The following CFAP20DC variants were observed in gnomAD, a reference collection of about 807,000 sequenced individuals.
CFAP20DC encodes CFAP20 domain containing.
CFAP20DC carries 84 observed loss-of-function variants against 101.7 expected under a neutral mutation model. The observed-to-expected ratio is 0.83, with a 90% CI of 0.69 to 0.99. CFAP20DC has a LOEUF of 0.99. Ranked by LOEUF, CFAP20DC falls within the 50% of genes least tolerant of loss-of-function variation. The pLI, the probability that CFAP20DC is intolerant of heterozygous loss-of-function variation, is 0.00. For missense variants in CFAP20DC, 1,007 were observed against 970.3 expected (o/e 1.04, Z -0.50); for synonymous variants, 359 against 351.2 (o/e 1.02, Z -0.25).
intron 15 of CFAP20DC, among the ~76,000 whole-genome samples, chr3:58,759,392 T>C (rs999717096): frequency 2.0e-5 from 3 of 152,228 alleles, no homozygotes; most frequent in African/African-American, 4.8e-5. Context: ...GTTGTTTTTT[T>C]CTTGTAAATT....
intron 13 of CFAP20DC, among the ~76,000 whole-genome samples, chr3:58,835,084 A>G (rs2076647862): frequency 6.6e-6 from 1 of 152,028 alleles, no homozygotes; most frequent in South Asian, 2.1e-4. Context: ...TTTTCCTCTC[A>G]TCTTCTCTGT....
intron 14 of CFAP20DC, chr3:58,824,512 T>C (rs976374144): frequency 6.6e-6 from 1 of 151,996 alleles, no homozygotes; most frequent in Admixed American, 6.6e-5. Context: ...GATTTTGGGG[T>C]GAGGGAGCGA....
chr3:58,775,508 T>C (rs1032975051), intron 15 of CFAP20DC, among the ~76,000 whole-genome samples: 1 of 152,180 alleles, frequency 6.6e-6, no homozygotes, highest in African/African-American at 2.4e-5. Context: ...TATGAAAATA[T>C]GTAAATAATT....
chr3:58,890,305 G>T (rs1047172952), intron 6 of CFAP20DC, among the ~76,000 whole-genome samples: 1 of 146,012 alleles, frequency 6.8e-6, no homozygotes, highest in African/African-American at 2.5e-5. Flanking sequence ...GTCCGGGCGG[G>T]GGGCTGACCC....
At chr3:58,866,488 A>C (rs1261447930) in intron 11 of CFAP20DC, 78 bp downstream of exon 11, 9 of 1,291,602 alleles carry the variant, frequency 7.0e-6, no homozygotes, top group Non-Finnish European at 9.4e-6. Context: ...CCACTTTTCA[A>C]AATGACTGGA....
At chr3:58,979,832 T>C (rs193175473) in intron 4 of CFAP20DC, among the ~76,000 whole-genome samples, 7 of 151,156 alleles carry the variant, frequency 4.6e-5, no homozygotes, top group East Asian at 3.9e-4. Context: ...TTTTTTTTTA[T>C]GGAGAATCAA....
intron 15 of CFAP20DC, among the ~76,000 whole-genome samples, chr3:58,762,934 T>A (rs531046167): frequency 3.2e-4 from 49 of 152,350 alleles, no homozygotes; most frequent in Admixed American, 4.6e-4. Context: ...CTTCCCTTTG[T>A]GGCTAACCTG....
At position 58,800,415 on chromosome 3, in the gene CFAP20DC, C is replaced by T. The variant is rs9838716; in HGVS notation, c.2237+5980G>A. 7.8e-3 allele frequency among the ~76,000 whole-genome samples: 1,188 copies of T among 152,278 alleles called. 15 individuals are homozygous for T. The highest frequency in any genetic ancestry group is 0.028 in the African/African-American group (1,152 of 41,558). Reference sequence around the variant, plus strand: ...TGTATCAGAGAGACAGAACAGGGATCACCCTTGGTTTCTGGCTTAAGCAAA... The same window carrying T: ...TGTATCAGAGAGACAGAACAGGGATTACCCTTGGTTTCTGGCTTAAGCAAA... On this transcript the variant is annotated intron_variant, in intron 15 of 16. Transcript: ENST00000482387.
chr3:58,887,759 A>G (rs1461450084), intron 6 of CFAP20DC, among the ~76,000 whole-genome samples: 2 of 152,190 alleles, frequency 1.3e-5, no homozygotes, highest in African/African-American at 4.8e-5. Flanking sequence ...TGCACCTAGA[A>G]CTGTTTCACC....
In CFAP20DC at chr3:58,982,829, C is replaced by T. The variant is rs185436162; in HGVS notation, c.279-45067G>A. 4.3e-3 allele frequency among the ~76,000 whole-genome samples: 648 copies of T among 151,878 alleles called. 3 individuals are homozygous for T. The highest frequency in any genetic ancestry group is 0.015 in the African/African-American group (624 of 41,410). On this transcript the variant is annotated intron_variant, in intron 4 of 16. Coordinates refer to ENST00000482387, the MANE Select transcript of CFAP20DC (RefSeq NM_001394063.1). The stretch of plus-strand genomic sequence containing the variant: ...ATATGTAATAAACCTGCACATTGTG[C>T]ACATGTACCCTAAAAATTAAAGTAT...
chr3:59,013,451 CATA>C (rs1462181176), intron 4 of CFAP20DC, among the ~76,000 whole-genome samples: 10 of 152,230 alleles, frequency 6.6e-5, no homozygotes, highest in African/African-American at 2.4e-4. Flanking sequence ...TTCCCAGCAT[CATA>C]TAATTGAAAA....
intron 5 of CFAP20DC, among the ~76,000 whole-genome samples, chr3:58,931,754 G>C (rs960371920): frequency 6.6e-5 from 10 of 152,170 alleles, no homozygotes; most frequent in South Asian, 4.2e-4. Flanking sequence ...AAAGGACATC[G>C]ACACCAAAAA....
At chr3:58,931,842 C>T (rs1354551769) in intron 5 of CFAP20DC, among the ~76,000 whole-genome samples, 1 of 152,178 alleles carries the variant, frequency 6.6e-6, no homozygotes, top group Non-Finnish European at 1.5e-5. Context: ...AGCACAAAGA[C>T]TGGAAACTCT....
chr3:58,739,545 A>G (rs2107115712), downstream of CFAP20DC, among the ~76,000 whole-genome samples: 2 of 152,364 alleles, frequency 1.3e-5, no homozygotes. Context: ...ATATGCCATT[A>G]GGCAAAGCTC....
chr3:58,920,598 T>G lies in CFAP20DC; in HGVS notation c.394-6734A>C, dbSNP rs151322731. Among the ~76,000 whole-genome samples, 428 of 152,300 alleles carry G rather than the reference T, an allele frequency of 2.8e-3. 1 individual carries two copies. The highest frequency in any genetic ancestry group is 9.7e-3 in the African/African-American group (405 of 41,570). ...TTTCTCTGTATCTATTGAGATAATC[T>G]TACGATTTTCCCCCTTTATTATGCT... On this transcript the variant is annotated intron_variant, in intron 5 of 16. Transcript: ENST00000482387.
intron 6 of CFAP20DC, among the ~76,000 whole-genome samples, chr3:58,907,799 G>C (rs984437240): frequency 2.0e-5 from 3 of 152,164 alleles, no homozygotes; most frequent in African/African-American, 7.2e-5. Context: ...GGAAGCTGAA[G>C]CATAAAGATA....
intron 4 of CFAP20DC, among the ~76,000 whole-genome samples, chr3:58,984,917 G>A (rs947126260): frequency 1.3e-5 from 2 of 152,028 alleles, no homozygotes; most frequent in South Asian, 4.2e-4. Flanking sequence ...TTTTTTGGGG[G>A]GCTGAGGGGA....
intron 14 of CFAP20DC, among the ~76,000 whole-genome samples, chr3:58,807,844 A>G (rs558050598): frequency 6.6e-6 from 1 of 152,226 alleles, no homozygotes; most frequent in African/African-American, 2.4e-5. Context: ...TATAACTAGA[A>G]TAACCAATAC....
chr3:58,787,675 T>C (rs1446607392), intron 15 of CFAP20DC, among the ~76,000 whole-genome samples: 3 of 151,950 alleles, frequency 2.0e-5, no homozygotes, highest in African/African-American at 7.3e-5. Context: ...CATTCTACTA[T>C]AAAGATGCAC....
Sources: allele counts gnomAD v4.1 joint callset (sites outside exome capture counted in the v4.1 genomes callset), GRCh38; gene constraint gnomAD v4.1.1; transcripts MANE v1.5; gene names NCBI Gene and HGNC (gene_info 2026-07-23, HGNC 2026-07-21).